BBS9: variants seen among roughly 807,000 people sequenced by gnomAD.
The protein encoded by BBS9 is protein PTHB1.
A neutral mutation model predicts 117.7 loss-of-function variants in BBS9; 89 were observed. The observed-to-expected ratio is 0.76, with a 90% confidence interval of 0.64 to 0.90. The LOEUF is 0.90. Among genes scored for constraint, BBS9 ranks in the 40% least tolerant of loss-of-function variants. The pLI, the probability that BBS9 is intolerant of heterozygous loss-of-function variation, is 0.00. For synonymous variants in BBS9, 379 were observed against 370.9 expected (o/e 1.02, Z -0.25); for missense variants, 982 against 1,042.2 (o/e 0.94, Z 0.80).
intron 8 of BBS9, 22 bp from the exon 9 acceptor site, chr7:33,273,805 T>A (rs1402556941): frequency 6.2e-7 from 1 of 1,601,586 alleles, no homozygotes; most frequent in South Asian, 1.1e-5. Flanking sequence ...TAGTGTCTCT[T>A]TTCTGTATTT....
chr7:33,272,985 A>G, intron 7 of BBS9, 27 bp from the exon 8 acceptor site: 1 of 1,609,628 alleles, frequency 6.2e-7, no homozygotes, highest in South Asian at 1.1e-5. Flanking sequence ...GTTAGCAACT[A>G]AATTGATATT....
At chr7:33,627,759 A>T (rs1865709839) in intron 21 of BBS9, among the ~76,000 whole-genome samples, 1 of 152,238 alleles carries the variant, frequency 6.6e-6, no homozygotes, top group African/African-American at 2.4e-5. Flanking sequence ...ATAAATATTT[A>T]TACCACACAG....
At chr7:33,615,718 C>T (rs184084376) in intron 21 of BBS9, among the ~76,000 whole-genome samples, 85 of 152,010 alleles carry the variant, frequency 5.6e-4, no homozygotes, top group African/African-American at 1.9e-3. Context: ...CCAGGAAGAT[C>T]GGAGAACATC....
chr7:33,404,003 C>T (rs974940961), intron 19 of BBS9, among the ~76,000 whole-genome samples: 14 of 152,240 alleles, frequency 9.2e-5, no homozygotes, highest in Non-Finnish European at 1.6e-4. Flanking sequence ...TTAATGATTG[C>T]CATTCTAACT....
At chr7:33,249,437 G>A (rs1396094953) in intron 5 of BBS9, among the ~76,000 whole-genome samples, 1 of 151,876 alleles carries the variant, frequency 6.6e-6, no homozygotes, top group Admixed American at 6.6e-5. Context: ...TTGAATAAAT[G>A]TTCATGACAT....
intron 19 of BBS9, among the ~76,000 whole-genome samples, chr7:33,475,061 C>T (rs1841611807): frequency 1.3e-5 from 2 of 152,266 alleles, no homozygotes; most frequent in African/African-American, 4.8e-5. Flanking sequence ...ATTCCTAAAC[C>T]AATAACTGGC....
At chr7:33,303,850 C>T (rs1445731833) in intron 9 of BBS9, among the ~76,000 whole-genome samples, 1 of 152,174 alleles carries the variant, frequency 6.6e-6, no homozygotes, top group African/African-American at 2.4e-5. Flanking sequence ...GTGATCTCGG[C>T]TCGCTACAAG....
intron 20 of BBS9, among the ~76,000 whole-genome samples, chr7:33,506,094 A>G (rs1453954794): frequency 1.3e-5 from 2 of 152,230 alleles, no homozygotes; most frequent in African/African-American, 4.8e-5. Context: ...ATAGTTCCTT[A>G]CATTTATAGA....
intron 4 of BBS9, among the ~76,000 whole-genome samples, chr7:33,176,507 A>G (rs936976793): frequency 6.6e-6 from 1 of 152,202 alleles, no homozygotes; most frequent in Non-Finnish European, 1.5e-5. Context: ...AAGGTGCTTC[A>G]ATTCTAAAAC....
chr7:33,496,068 T>A (rs1022692108), intron 19 of BBS9, among the ~76,000 whole-genome samples: 9 of 152,188 alleles, frequency 5.9e-5, no homozygotes, highest in African/African-American at 2.2e-4. Flanking sequence ...GATCATACCT[T>A]AGTGTTTCGA....
intron 5 of BBS9, among the ~76,000 whole-genome samples, chr7:33,215,090 G>T (rs558054967): frequency 3.3e-5 from 5 of 152,322 alleles, no homozygotes; most frequent in Admixed American, 3.3e-4. Flanking sequence ...TACTCGGGAG[G>T]CTGAGGCAGG....
intron 19 of BBS9, among the ~76,000 whole-genome samples, chr7:33,425,872 G>A (rs954149218): frequency 1.3e-5 from 2 of 152,094 alleles, no homozygotes; most frequent in African/African-American, 4.8e-5. Context: ...ACCTTACAGT[G>A]GCAATCATGT....
At chr7:33,255,942 G>A (rs775399209) in intron 5 of BBS9, among the ~76,000 whole-genome samples, 1 of 152,056 alleles carries the variant, frequency 6.6e-6, no homozygotes, top group Non-Finnish European at 1.5e-5. Flanking sequence ...CGGATCATGA[G>A]GTCAAGAGAT....
At chr7:33,167,613 C>G (rs532602409) in intron 4 of BBS9, among the ~76,000 whole-genome samples, 1 of 152,086 alleles carries the variant, frequency 6.6e-6, no homozygotes, top group East Asian at 1.9e-4. Context: ...GTTGGCCAGG[C>G]TGTTCTTGAA....
chr7:33,334,266 G>A (rs575866666), intron 9 of BBS9, among the ~76,000 whole-genome samples: 2 of 152,324 alleles, frequency 1.3e-5, no homozygotes, highest in African/African-American at 4.8e-5. Flanking sequence ...ACTCAATTTA[G>A]ATAAGGAGGA....
intron 6 of BBS9, among the ~76,000 whole-genome samples, chr7:33,258,395 G>A (rs1383323055): frequency 1.3e-5 from 2 of 152,152 alleles, no homozygotes; most frequent in African/African-American, 2.4e-5. Context: ...CTCATCATAA[G>A]TAGCCATTTG....
intron 5 of BBS9, among the ~76,000 whole-genome samples, chr7:33,248,717 CT>C (rs1795759660): frequency 6.6e-6 from 1 of 152,100 alleles, no homozygotes; most frequent in Non-Finnish European, 1.5e-5. Flanking sequence ...GTGTTTCAGT[CT>C]TTCTGTAACA....
At chr7:33,195,208 A>C (rs2128200432) in intron 5 of BBS9, among the ~76,000 whole-genome samples, 1 of 152,294 alleles carries the variant, frequency 6.6e-6, no homozygotes, top group East Asian at 1.9e-4. Context: ...AGTCTTTGGC[A>C]CATAGTGGGT....
rs373060461 is a variant in BBS9 at position 33,149,555 on chromosome 7, A to G, written c.113-3146A>G. Among the ~76,000 whole-genome samples the G allele has an allele frequency of 1.4e-4, 21 of 152,368 alleles. No individual in the cohort carries two copies. In the East Asian group the frequency reaches 3.9e-3, roughly 28 times the overall value. On this transcript the variant is annotated intron_variant, in intron 2 of 22. Transcript: ENST00000242067. ...CAAGATTCAGACTCTTGAGAGAGAT[A>G]GTGAGAATGAGGGAGAGAGAGAGGA...
Sources: gnomAD v4.1 joint callset for allele counts (sites outside exome capture counted in the v4.1 genomes callset) on GRCh38, gnomAD v4.1.1 for gene constraint, MANE v1.5 for transcripts, NCBI Gene and HGNC (gene_info 2026-07-23, HGNC 2026-07-21) for gene names.